Variants in PRIM2 observed in about 807,000 individuals in gnomAD.
PRIM2 encodes DNA primase large subunit.
Under a neutral mutation model 67.3 loss-of-function variants are expected in PRIM2, and 39 were observed. That is an observed-to-expected ratio of 0.58 (90% CI 0.45 to 0.76). PRIM2 has a LOEUF of 0.76. Ranked by LOEUF, PRIM2 falls within the 30% of genes least tolerant of loss-of-function variation. PRIM2 has a pLI of 0.00. For missense variants in PRIM2, 398 were observed against 598.7 expected, an observed-to-expected ratio of 0.66 and a Z score of 3.50; for synonymous variants, 143 against 198.7, an observed-to-expected ratio of 0.72 and a Z score of 2.36.
chr6:57,496,721 A>G (rs1554346411), intron 7 of PRIM2, among the ~76,000 whole-genome samples: 6 of 152,158 alleles, frequency 3.9e-5, no homozygotes, highest in African/African-American at 1.2e-4. Context: ...TGAAAATACA[A>G]TAATAATAAG....
At chr6:57,521,028 G>A (rs1455659699) in intron 8 of PRIM2, among the ~76,000 whole-genome samples, 2 of 152,112 alleles carry the variant, frequency 1.3e-5, no homozygotes, top group African/African-American at 4.8e-5. Context: ...AAAAAATAAA[G>A]TTGAATAAAA....
At chr6:57,587,212 T>A (rs2127487077) in intron 10 of PRIM2, 1 of 152,350 alleles carries the variant, frequency 6.6e-6, no homozygotes, top group African/African-American at 2.4e-5. Context: ...CATATTGGAT[T>A]ACAGTGGAGT....
chr6:57,399,443 A>T (rs532081904), intron 7 of PRIM2, among the ~76,000 whole-genome samples: 176 of 152,284 alleles, frequency 1.2e-3, no homozygotes, highest in African/African-American at 3.7e-3. Context: ...TCTATCATTG[A>T]TGGACATTTG....
chr6:57,374,519 C>G (rs1490133263), intron 5 of PRIM2, among the ~76,000 whole-genome samples: 13 of 151,084 alleles, frequency 8.6e-5, no homozygotes, highest in Non-Finnish European at 1.9e-4. Context: ...GTCTCGATCT[C>G]CTGACCTCGT....
At chr6:57,596,335 G>A (rs1776366363) in intron 10 of PRIM2, among the ~76,000 whole-genome samples, 1 of 151,932 alleles carries the variant, frequency 6.6e-6, no homozygotes, top group Non-Finnish European at 1.5e-5. Flanking sequence ...AATCTCAGAA[G>A]CATTAAAGGA....
the PRIM2 span, among the ~76,000 whole-genome samples, chr6:57,261,998 G>C: frequency 1.1e-4 from 16 of 152,298 alleles, no homozygotes; most frequent in Non-Finnish European, 1.2e-4. Flanking sequence ...AATTTGGCTT[G>C]AGTTCTGTTT....
At chr6:57,315,589 T>C (rs1323674827), upstream of PRIM2, among the ~76,000 whole-genome samples, 1 of 152,148 alleles carries the variant, frequency 6.6e-6, no homozygotes, top group Non-Finnish European at 1.5e-5. Context: ...TATTTAACAG[T>C]AGTTATTTTT....
chr6:57,278,597 C>A, the PRIM2 span, among the ~76,000 whole-genome samples: 1 of 152,024 alleles, frequency 6.6e-6, no homozygotes, highest in Non-Finnish European at 1.5e-5. Flanking sequence ...GTCTTATTGA[C>A]AAAAACACCA....
chr6:57,266,864 A>G, the PRIM2 span, among the ~76,000 whole-genome samples: 107 of 152,340 alleles, frequency 7.0e-4, no homozygotes, highest in African/African-American at 2.5e-3. Context: ...CGTCCAAAAT[A>G]ATAAATGATT....
At chr6:57,529,651 G>C (rs1774845338) in intron 8 of PRIM2, among the ~76,000 whole-genome samples, 1 of 152,128 alleles carries the variant, frequency 6.6e-6, no homozygotes, top group African/African-American at 2.4e-5. Context: ...TAATACAAGA[G>C]GAGATGTGTT....
chr6:57,225,167 C>G, the PRIM2 span, among the ~76,000 whole-genome samples: 9 of 152,280 alleles, frequency 5.9e-5, no homozygotes, highest in Middle Eastern at 3.4e-3. Flanking sequence ...GGCCTAACTG[C>G]TTTTTGGGGT....
the PRIM2 span, among the ~76,000 whole-genome samples, chr6:57,300,088 T>C: frequency 2.4e-4 from 36 of 152,234 alleles, no homozygotes; most frequent in African/African-American, 8.7e-4. Context: ...AATTATTTAC[T>C]GAAGGCTAAG....
At chr6:57,482,612 G>A (rs1356095730) in intron 7 of PRIM2, among the ~76,000 whole-genome samples, 13 of 152,184 alleles carry the variant, frequency 8.5e-5, no homozygotes, top group African/African-American at 2.4e-4. Context: ...CAGGAGAAAC[G>A]TTTATATAAA....
At chr6:57,619,083 G>A (rs1776805898) in intron 12 of PRIM2, among the ~76,000 whole-genome samples, 1 of 152,158 alleles carries the variant, frequency 6.6e-6, no homozygotes, top group Non-Finnish European at 1.5e-5. Context: ...ACCCATAGAC[G>A]GTTCACATCA....
At chr6:57,364,012 T>C (rs1296640217) in intron 5 of PRIM2, among the ~76,000 whole-genome samples, 1 of 152,130 alleles carries the variant, frequency 6.6e-6, no homozygotes, top group Non-Finnish European at 1.5e-5. Context: ...GTTATTTCTA[T>C]ATTCTGTTTT....
At chr6:57,260,922 G>T in the PRIM2 span, among the ~76,000 whole-genome samples, 3 of 152,182 alleles carry the variant, frequency 2.0e-5, no homozygotes, top group African/African-American at 7.2e-5. Context: ...ATCTCCAGGG[G>T]TATGAAGGGC....
rs1160143924 is a variant in PRIM2, at chr6:57,566,173, A to ATT, written c.1020+28562_1020+28563dup. The stretch of plus-strand genomic sequence containing the variant: ...CATTTAATTTGTTACTGTATAACCC[A>ATT]TTTTTTTTTTTTTTTCTGTAAATGG... On this transcript the variant is annotated intron_variant, in intron 10 of 13. Coordinates refer to ENST00000615550, the MANE Select transcript of PRIM2 (RefSeq NM_000947.5). 2.3e-3 allele frequency among the ~76,000 whole-genome samples: 310 copies of ATT among 134,184 alleles called. 2 individuals carry two copies. Among genetic ancestry groups the ATT allele is most frequent in the South Asian group, 7.1e-3 (30 of 4,202 alleles). 88.0% of individuals were successfully genotyped at this position (134,184 alleles called of 152,430 possible).
the PRIM2 span, among the ~76,000 whole-genome samples, chr6:57,288,910 C>T: frequency 7.5e-4 from 115 of 152,322 alleles, no homozygotes; most frequent in African/African-American, 2.7e-3. Context: ...CAAAGGATCA[C>T]AGCTCCTCGC....
chr6:57,536,800 G>T (rs1775011912), intron 9 of PRIM2, among the ~76,000 whole-genome samples: 1 of 152,218 alleles, frequency 6.6e-6, no homozygotes, highest in Non-Finnish European at 1.5e-5. Flanking sequence ...AACCAGATCA[G>T]TGGTTGCCAA....
Sources: gnomAD v4.1 joint callset for allele counts (sites outside exome capture counted in the v4.1 genomes callset) on GRCh38, gnomAD v4.1.1 for gene constraint, MANE v1.5 for transcripts, NCBI Gene and HGNC (gene_info 2026-07-23, HGNC 2026-07-21) for gene names.